Variants in RNF111 observed in about 807,000 individuals in gnomAD.
RNF111 encodes the protein E3 ubiquitin-protein ligase Arkadia.
In RNF111, 17 loss-of-function variants were observed where a neutral mutation model predicts 95.1. The ratio of observed to expected loss-of-function variants is 0.18; its 90% CI spans 0.12 to 0.27. The LOEUF (loss-of-function observed/expected upper bound fraction) is 0.27, where lower values mean the gene tolerates loss of function less well. RNF111 is among the 10% of genes least tolerant of loss of function. The probability of loss-of-function intolerance (pLI) is 1.00; values close to 1 mark genes in which losing one functional copy is unlikely to be tolerated. For missense variants in RNF111, 1,189 were observed against 1,210.4 expected (o/e 0.98, Z 0.26); for synonymous variants, 440 against 414.8 (o/e 1.06, Z -0.74).
At chr15:59,052,693 A>G (rs1377920377) in intron 3 of RNF111, among the ~76,000 whole-genome samples, 1 of 150,386 alleles carries the variant, frequency 6.6e-6, no homozygotes, top group Admixed American at 6.7e-5. Context: ...GACTGTAGGC[A>G]CATGTCACTA....
At chr15:59,093,369 TG>T (rs2079109681) in intron 13 of RNF111, 1 of 422,370 alleles carries the variant, frequency 2.4e-6, no homozygotes, top group South Asian at 1.7e-5. Flanking sequence ...TTTCCTTTTC[TG>T]GGAGATGGTC....
At chr15:59,032,889 A>ACT (rs141592141) in intron 2 of RNF111, among the ~76,000 whole-genome samples, 76 of 149,310 alleles carry the variant, frequency 5.1e-4, no homozygotes, top group African/African-American at 1.1e-3. Flanking sequence ...ATGCGTGCTG[A>ACT]CTCTCTCTCT....
chr15:59,080,907 G>A, intron 7 of RNF111, 29 bp from the exon 8 acceptor site: 1 of 1,553,464 alleles, frequency 6.4e-7, no homozygotes, highest in South Asian at 1.2e-5. Context: ...TGGTGCCTAT[G>A]TAACATACTC....
At chr15:59,000,486 C>T (rs190679237) in intron 1 of RNF111, among the ~76,000 whole-genome samples, 59 of 152,120 alleles carry the variant, frequency 3.9e-4, no homozygotes, top group African/African-American at 1.3e-3. Flanking sequence ...CCGAGGCAGG[C>T]GGATCACCTG....
intron 1 of RNF111, among the ~76,000 whole-genome samples, chr15:59,028,756 A>G (rs1482265334): frequency 2.0e-5 from 3 of 148,002 alleles, no homozygotes; most frequent in Non-Finnish European, 4.4e-5. Flanking sequence ...TGGAAATGCT[A>G]GGTCACATAG....
At chr15:59,076,248 A>G (rs1465793641) in intron 7 of RNF111, 33 bp downstream of exon 7, 1 of 1,593,964 alleles carries the variant, frequency 6.3e-7, no homozygotes, top group Non-Finnish European at 8.6e-7. Flanking sequence ...CAAAATCTAG[A>G]GTCATGTCAA....
chr15:59,036,594 T>C (rs1405308861), intron 2 of RNF111, among the ~76,000 whole-genome samples: 2 of 152,190 alleles, frequency 1.3e-5, no homozygotes, highest in Non-Finnish European at 2.9e-5. Context: ...GATTCAGTTA[T>C]CTCTGCCTGG....
intron 1 of RNF111, 135 bp from the exon 2 acceptor site, chr15:59,030,669 C>T (rs2040858872): frequency 7.2e-6 from 4 of 557,328 alleles, no homozygotes; most frequent in Non-Finnish European, 1.2e-5. Flanking sequence ...TCATAACAGA[C>T]ATTTTGTGTA....
At chr15:59,021,429 G>A (rs1469947698) in intron 1 of RNF111, among the ~76,000 whole-genome samples, 1 of 152,118 alleles carries the variant, frequency 6.6e-6, no homozygotes, top group Non-Finnish European at 1.5e-5. Flanking sequence ...GGGATTATAG[G>A]TATGAACCAC....
At chr15:58,993,819 C>T (rs79740936) in intron 1 of RNF111, among the ~76,000 whole-genome samples, 1,559 of 152,002 alleles carry the variant, frequency 0.01, 22 homozygotes, top group African/African-American at 0.036. Context: ...AGGGCATACA[C>T]GATTAGCATC....
intron 1 of RNF111, among the ~76,000 whole-genome samples, chr15:58,999,422 G>A (rs1435681421): frequency 3.3e-5 from 5 of 151,988 alleles, no homozygotes; most frequent in South Asian, 2.1e-4. Flanking sequence ...TGCAATCTCC[G>A]CCCCCCAGGT....
chr15:58,995,286 A>AT (rs1248557919), intron 1 of RNF111, among the ~76,000 whole-genome samples: 1 of 152,242 alleles, frequency 6.6e-6, no homozygotes. Flanking sequence ...ACTAATGGAC[A>AT]TTCTTTTATA....
rs371986810 is a variant in RNF111, at chr15:59,056,993, C to A, written c.1171+1148C>A. Among the ~76,000 whole-genome samples, 6 of 152,152 alleles carry A rather than the reference C, an allele frequency of 3.9e-5. No individual in the cohort carries two copies. The East Asian group carries it at 1.2e-3, about 29-fold the overall frequency. On this transcript the variant is annotated intron_variant, in intron 4 of 13. Transcript: ENST00000348370. ...GATTAGTAGATGCTCCCTTTCCCCC[C>A]ACTAGTTTTTCTCATTGGAAAGCTT...
At chr15:59,073,280 G>T (rs1434805364) in intron 6 of RNF111, among the ~76,000 whole-genome samples, 1 of 152,102 alleles carries the variant, frequency 6.6e-6, no homozygotes, top group Non-Finnish European at 1.5e-5. Flanking sequence ...TTCAAGACCA[G>T]CGTGGGCAAC....
intron 1 of RNF111, among the ~76,000 whole-genome samples, chr15:58,999,013 A>C (rs2039210389): frequency 6.6e-6 from 1 of 152,206 alleles, no homozygotes; most frequent in African/African-American, 2.4e-5. Flanking sequence ...TTCAAATTCC[A>C]CATTGCAATT....
chr15:58,995,697 C>T (rs903108230), intron 1 of RNF111, among the ~76,000 whole-genome samples: 30 of 150,974 alleles, frequency 2.0e-4, no homozygotes, highest in African/African-American at 7.1e-4. Context: ...ACCTTGTGAC[C>T]TCGTGATCCA....
chr15:59,008,085 A>C (rs988599139), intron 1 of RNF111, among the ~76,000 whole-genome samples: 4 of 152,204 alleles, frequency 2.6e-5, no homozygotes, highest in Admixed American at 1.3e-4. Context: ...TGATATAATC[A>C]CATAAACTTT....
chr15:58,992,995 C>G (rs1312446438), intron 1 of RNF111, among the ~76,000 whole-genome samples: 2 of 151,876 alleles, frequency 1.3e-5, no homozygotes, highest in Non-Finnish European at 2.9e-5. Context: ...GTGGCAAAAC[C>G]CTGTCTCTAC....
intron 3 of RNF111, 67 bp from the exon 4 acceptor site, chr15:59,055,615 A>T: frequency 8.2e-7 from 1 of 1,214,212 alleles, no homozygotes; most frequent in Non-Finnish European, 1.1e-6. Context: ...AGAAAGGCTT[A>T]TGGGTTTTTG....
Sources: allele counts gnomAD v4.1 joint callset (sites outside exome capture counted in the v4.1 genomes callset), GRCh38; gene constraint gnomAD v4.1.1; transcripts MANE v1.5; gene names NCBI Gene and HGNC (gene_info 2026-07-23, HGNC 2026-07-21).